The following CFAP410 variants were observed in gnomAD, a reference collection of about 807,000 sequenced individuals.
CFAP410 encodes cilia and flagella associated protein 410, also known as cilia- and flagella-associated protein 410.
In CFAP410, 27 loss-of-function variants were observed where a neutral mutation model predicts 25.7. The ratio of observed to expected loss-of-function variants is 1.05; its 90% CI spans 0.77 to 1.45. The LOEUF (loss-of-function observed/expected upper bound fraction) is 1.45, where lower values mean the gene tolerates loss of function less well. Ranked by LOEUF, CFAP410 falls within the 40% of genes most tolerant of loss-of-function variation. CFAP410 has a pLI of 0.00. For missense variants in CFAP410, 428 were observed against 354.1 expected, an observed-to-expected ratio of 1.21 and a Z score of -1.67; for synonymous variants, 178 against 158.4, an observed-to-expected ratio of 1.12 and a Z score of -0.93.
chr21:44,338,344 C>T (rs934914396), intron 1 of CFAP410: 2 of 1,287,424 alleles, frequency 1.6e-6, no homozygotes, highest in Non-Finnish European at 2.0e-6. Context: ...GCTGAGTCCC[C>T]AGGGAACCCT....
At position 44,330,549 on chromosome 21, in the gene CFAP410, C is replaced by G. The variant is rs755764030; in HGVS notation, c.643-223G>C. 28 of 1,548,980 alleles carry G rather than the reference C, an allele frequency of 1.8e-5. No individual in the cohort carries two copies. Among genetic ancestry groups the G allele is most frequent in the Non-Finnish European group, 2.3e-5 (26 of 1,146,890 alleles). On this transcript the variant is annotated intron_variant, in intron 6 of 6. Coordinates refer to ENST00000339818, the MANE Select transcript of CFAP410 (RefSeq NM_004928.3). ...TCCACGTGACTCCTGTTGCCCTCAGCCCAGCAGGGCCCGGGCCCACATTCC... is the reference window on the plus strand; with the variant it reads ...TCCACGTGACTCCTGTTGCCCTCAGGCCAGCAGGGCCCGGGCCCACATTCC...
rs1361385310 is a variant in CFAP410, at chr21:44,330,006, G to A, written c.*192C>T. 2 of 618,532 alleles carry A rather than the reference G, an allele frequency of 3.2e-6. No individual in the cohort carries two copies. Among genetic ancestry groups the A allele is most frequent in the African/African-American group, 1.8e-5 (1 of 54,268 alleles). 38.3% of individuals were successfully genotyped at this position (618,532 alleles called of 1,614,324 possible). On this transcript the variant is annotated 3_prime_UTR_variant, in exon 7 of 7. Transcript: ENST00000339818. The stretch of plus-strand genomic sequence containing the variant: ...GGGGAGTCCTGGGGACAGGACTGGT[G>A]TAGACAGGCATCTCCACCGCCCCGG...
chr21:44,331,407 G>A (rs963786591), intron 5 of CFAP410: 3 of 240,810 alleles, frequency 1.2e-5, no homozygotes, highest in Non-Finnish European at 2.4e-5. Flanking sequence ...GGGAGGCGCC[G>A]GCGTCTCACT....
At chr21:44,337,603 T>C in intron 2 of CFAP410, 46 bp downstream of exon 2, 5 of 1,580,048 alleles carry the variant, frequency 3.2e-6, no homozygotes, top group Middle Eastern at 1.7e-4. Flanking sequence ...TTGAGGCTAT[T>C]TGGAGATGAT....
At chr21:44,335,419 G>A (rs569395314) in intron 3 of CFAP410, 28 of 342,822 alleles carry the variant, frequency 8.2e-5, no homozygotes, top group South Asian at 4.1e-5. Flanking sequence ...GCGGGCCACC[G>A]TGAATCCTTA....
intron 4 of CFAP410, chr21:44,332,429 A>T: frequency 5.8e-6 from 1 of 171,980 alleles, no homozygotes; most frequent in Non-Finnish European, 1.2e-5. Flanking sequence ...CCTGACAAGG[A>T]TGAGACACTA....
rs947671332 is a variant in CFAP410, at chr21:44,329,193, G to C, written c.*1005C>G. 1 of 152,384 alleles carries C rather than the reference G, an allele frequency of 6.6e-6. No homozygotes were observed. The highest frequency in any genetic ancestry group is 1.5e-5 in the Non-Finnish European group (1 of 68,148). 9.4% of individuals were successfully genotyped at this position (152,384 alleles called of 1,614,324 possible). On this transcript the variant is annotated 3_prime_UTR_variant, in exon 7 of 7. Transcript: ENST00000339818. ...CAGTGCTGCAGCTGGCTCTGGTGAC[G>C]GTGGCACGGCATGGCCCCGAGCTTG...
chr21:44,331,126 T>G, intron 5 of CFAP410: 1 of 585,546 alleles, frequency 1.7e-6, no homozygotes, highest in South Asian at 2.2e-5. Context: ...TTACTTCACC[T>G]GTGGGGCGCC....
Position 44,330,831 on chromosome 21 carries a change from T to C in CFAP410, c.634A>G (p.Arg212Gly). ...AGCGGCCCGCCACTCACCCTGCCCCTGTGGCTGCTCGAGGCATCCCTGGCT... is the reference window on the plus strand; with the variant it reads ...AGCGGCCCGCCACTCACCCTGCCCCCGTGGCTGCTCGAGGCATCCCTGGCT... ...LSARDASSSH[R>G]GRNVLTAILL... The change falls in exon 6 of 7, where the codon AGG (arginine) becomes GGG (glycine). Residue 212 changes from arginine (R) to glycine (G), a missense_variant. Coordinates refer to ENST00000339818, the MANE Select transcript of CFAP410 (RefSeq NM_004928.3). The C allele has an allele frequency of 1.2e-6, 2 of 1,601,092 alleles. No individual in the cohort carries two copies. Among genetic ancestry groups the C allele is most frequent in the Admixed American group, 1.7e-5 (1 of 58,524 alleles).
chr21:44,330,367 CG>C (rs1568983934), intron 6 of CFAP410, 41 bp from the exon 7 acceptor site: 2 of 1,586,756 alleles, frequency 1.3e-6, no homozygotes, highest in Admixed American at 3.4e-5. Flanking sequence ...CCCGGCACGG[CG>C]AGGCTGCTTC....
At position 44,334,522 on chromosome 21, in the gene CFAP410, C is replaced by CCCTCAACCTCTGGGCGGGCACGCCCA; in HGVS notation, c.143+1235_143+1236insTGGGCGTGCCCGCCCAGAGGTTGAGG. On this transcript the variant is annotated intron_variant, in intron 3 of 6. Transcript: ENST00000339818. ...ACCTCTGGGCGGGCACGCGCACCCC[C>CCCTCAACCTCTGGGCGGGCACGCCCA]CCCCCCCCCCCGCTCAACCTCTGGG... 2 of 190,854 alleles carry CCCTCAACCTCTGGGCGGGCACGCCCA rather than the reference C, an allele frequency of 1.0e-5. 1 individual carries two copies. Among genetic ancestry groups the CCCTCAACCTCTGGGCGGGCACGCCCA allele is most frequent in the Non-Finnish European group, 2.0e-5 (2 of 102,106 alleles). The allele number at this position is 190,854 out of a possible 1,614,324, so 11.8% of individuals were successfully genotyped here.
intron 3 of CFAP410, chr21:44,334,492 C>CG (rs796244497): frequency 5.8e-6 from 2 of 347,062 alleles, no homozygotes; most frequent in African/African-American, 2.3e-5. Context: ...GCGCACCCCC[C>CG]CTCAACCTCT....
Position 44,330,014 on chromosome 21 carries a change from G to C in CFAP410, c.*184C>G. ...CTGGGGACAGGACTGGTGTAGACAG[G>C]CATCTCCACCGCCCCGGTTAGCCAG... On this transcript the variant is annotated 3_prime_UTR_variant, in exon 7 of 7. Transcript: ENST00000339818. The C allele has an allele frequency of 1.6e-6, 1 of 633,108 alleles. No homozygotes were observed. Among genetic ancestry groups the C allele is most frequent in the East Asian group, 2.8e-5 (1 of 35,770 alleles). 39.2% of individuals were successfully genotyped at this position (633,108 alleles called of 1,614,324 possible).
In CFAP410 at chr21:44,333,113, G is replaced by C; in HGVS notation, c.293C>G (p.Pro98Arg). Residue 98 changes from proline to arginine, a missense_variant, in exon 4 of 7, where the codon CCG becomes CGG. Pro to Arg is a moderately radical substitution (Grantham distance 103). Coordinates refer to ENST00000339818, the MANE Select transcript of CFAP410 (RefSeq NM_004928.3). ...RLRVLWLAEN[P>R]CCGTSPHRYR... ...GCGGTGGGGGCTGGTGCCGCAGCAC[G>C]GGTTCTCGGCCAGCCACAGCACCCG... 6.2e-7 allele frequency: 1 copy of C among 1,610,812 alleles called. No individual in the cohort carries two copies. The highest frequency in any genetic ancestry group is 8.5e-7 in the Non-Finnish European group (1 of 1,179,190).
At chr21:44,334,526 C>CTCTGGGCGGGCACGCG in intron 3 of CFAP410, 1 of 27,304 alleles carries the variant, frequency 3.7e-5, no homozygotes. Context: ...CACCCCCCCC[C>CTCTGGGCGGGCACGCG]CCCCCCCGCT....
rs886286080 is a variant in CFAP410 at position 44,339,165 on chromosome 21, G to A, written c.30C>T (p.Thr10=). 1.6e-5 allele frequency: 23 copies of A among 1,472,748 alleles called. No homozygotes were observed. In the Admixed American group the frequency reaches 4.2e-4, roughly 27 times the overall value. The allele number at this position is 1,472,748 out of a possible 1,614,324, so 91.2% of individuals were successfully genotyped here. ...TGTGCAGCTCCGAGGCCTTGGCCCGGGTCAGAACCATCTTCCGCGTCAGCT... is the reference window on the plus strand; with the variant it reads ...TGTGCAGCTCCGAGGCCTTGGCCCGAGTCAGAACCATCTTCCGCGTCAGCT... MKLTRKMVL[T]RAKASELHSV... is the part of the protein sequence containing the mutation. Residue 10 remains threonine (T), a synonymous_variant, in exon 1 of 7, where the codon ACC becomes ACT. Coordinates refer to ENST00000339818, the MANE Select transcript of CFAP410 (RefSeq NM_004928.3).
chr21:44,338,273 C>T, intron 1 of CFAP410: 1 of 1,285,614 alleles, frequency 7.8e-7, no homozygotes. Context: ...GAAGCGTCTG[C>T]TCTCGCTGAC....
intron 3 of CFAP410, chr21:44,334,140 C>T (rs201043704): frequency 8.8e-6 from 4 of 456,192 alleles, no homozygotes; most frequent in East Asian, 1.4e-4. Flanking sequence ...ATGTACCGAC[C>T]GCGTCCGCGG....
At chr21:44,330,568 A>G in intron 6 of CFAP410, 1 of 1,549,602 alleles carries the variant, frequency 6.5e-7, no homozygotes, top group Non-Finnish European at 8.7e-7. Context: ...GCCCGGGCCC[A>G]CATTCCACAG....
Sources: allele counts gnomAD v4.1 joint callset, GRCh38; gene constraint gnomAD v4.1.1; transcripts MANE v1.5; gene names NCBI Gene and HGNC (gene_info 2026-07-23, HGNC 2026-07-21).